Variants in ANKFN1 observed in about 807,000 individuals in gnomAD.
The protein encoded by ANKFN1 is ankyrin repeat and fibronectin type-III domain-containing protein 1.
ANKFN1 carries 74 observed loss-of-function variants against 108.7 expected under a neutral mutation model. The observed-to-expected ratio is 0.68, with a 90% CI of 0.56 to 0.83. ANKFN1 has a LOEUF of 0.83. ANKFN1 is among the 40% of genes least tolerant of loss of function. The pLI is 0.00. For synonymous variants in ANKFN1, 547 were observed against 516.2 expected (o/e 1.06, Z -0.81); for missense variants, 1,505 against 1,382.3 (o/e 1.09, Z -1.41).
intron 8 of ANKFN1, among the ~76,000 whole-genome samples, chr17:56,436,721 T>G (rs971375195): frequency 6.6e-6 from 1 of 151,724 alleles, no homozygotes; most frequent in Non-Finnish European, 1.5e-5. Context: ...TCCGAGCTAC[T>G]TGGGAGGCTG....
intron 4 of ANKFN1, among the ~76,000 whole-genome samples, chr17:56,080,647 C>T (rs893806153): frequency 3.9e-5 from 6 of 152,164 alleles, no homozygotes; most frequent in East Asian, 3.9e-4. Flanking sequence ...CCCCACCCAC[C>T]GCCATGTTAA....
intron 4 of ANKFN1, among the ~76,000 whole-genome samples, chr17:56,053,370 T>G (rs1459712532): frequency 6.6e-6 from 1 of 152,196 alleles, no homozygotes; most frequent in Non-Finnish European, 1.5e-5. Context: ...TTTTAATTTT[T>G]AGCACCCACA....
intron 1 of ANKFN1, among the ~76,000 whole-genome samples, chr17:56,170,803 T>TACACACACACAC (rs1160259097): frequency 2.5e-4 from 17 of 68,078 alleles, no homozygotes; most frequent in South Asian, 1.5e-3. Context: ...TATATATATA[T>TACACACACACAC]ATATACACAC....
At chr17:56,503,400 T>C (rs555615767) in intron 20 of ANKFN1, among the ~76,000 whole-genome samples, 3 of 149,518 alleles carry the variant, frequency 2.0e-5, no homozygotes, top group Non-Finnish European at 4.4e-5. Context: ...GAAGGCCTGA[T>C]GAAAGATTCA....
At chr17:56,277,001 G>A (rs78922845) in intron 3 of ANKFN1, among the ~76,000 whole-genome samples, 1,780 of 152,254 alleles carry the variant, frequency 0.012, 35 homozygotes, top group African/African-American at 0.04. Flanking sequence ...TTAAACAAAA[G>A]TGTACTCTAT....
At chr17:56,098,895 A>G (rs1030984231) in intron 4 of ANKFN1, among the ~76,000 whole-genome samples, 8 of 150,024 alleles carry the variant, frequency 5.3e-5, no homozygotes, top group African/African-American at 2.0e-4. Context: ...TGGGTGCTAG[A>G]TAAAAGGAAG....
chr17:56,399,843 TTATATATA>T (rs71139904), intron 8 of ANKFN1, among the ~76,000 whole-genome samples: 18,106 of 64,724 alleles, frequency 0.28, 3,019 homozygotes, highest in East Asian at 0.49. Flanking sequence ...ATTCCATTTT[TTATATATA>T]TATATATATA....
intron 4 of ANKFN1, among the ~76,000 whole-genome samples, chr17:56,083,200 G>C (rs1905268706): frequency 6.8e-6 from 1 of 147,722 alleles, no homozygotes; most frequent in African/African-American, 2.6e-5. Context: ...AAACTCAACT[G>C]TGCCGAGAAG....
At chr17:56,252,965 G>A (rs969448281) in intron 3 of ANKFN1, among the ~76,000 whole-genome samples, 11 of 152,186 alleles carry the variant, frequency 7.2e-5, no homozygotes, top group African/African-American at 2.7e-4. Flanking sequence ...ACGAGGGTGA[G>A]GTGGGGGGAT....
intron 4 of ANKFN1, among the ~76,000 whole-genome samples, chr17:56,134,582 T>C (rs1907483952): frequency 6.6e-6 from 1 of 152,122 alleles, no homozygotes; most frequent in African/African-American, 2.4e-5. Context: ...ATATTAGAAC[T>C]AAAGATTCTC....
intron 4 of ANKFN1, among the ~76,000 whole-genome samples, chr17:56,109,015 A>G (rs1384669914): frequency 6.6e-6 from 1 of 152,226 alleles, no homozygotes; most frequent in African/African-American, 2.4e-5. Context: ...TGGTTAACAC[A>G]TAGGCTTTAA....
At chr17:56,064,028 G>T (rs575149337) in intron 4 of ANKFN1, among the ~76,000 whole-genome samples, 132 of 152,234 alleles carry the variant, frequency 8.7e-4, no homozygotes, top group African/African-American at 3.2e-3. Flanking sequence ...TTTGTTGGGG[G>T]TTCACTTCAG....
chr17:56,059,465 G>T (rs2877725), intron 4 of ANKFN1, among the ~76,000 whole-genome samples: 118,182 of 152,112 alleles, frequency 0.78, 46,098 homozygotes, highest in Non-Finnish European at 0.81. Flanking sequence ...TTTGGCTTTT[G>T]TTGCAATTGC....
intron 3 of ANKFN1, among the ~76,000 whole-genome samples, chr17:56,321,359 G>A (rs570024204): frequency 6.6e-6 from 1 of 151,964 alleles, no homozygotes; most frequent in South Asian, 2.1e-4. Context: ...CAAGAGATTA[G>A]GGAACGGAAG....
chr17:56,135,833 A>G (rs1184576583), intron 4 of ANKFN1, among the ~76,000 whole-genome samples: 1 of 152,218 alleles, frequency 6.6e-6, no homozygotes, highest in Non-Finnish European at 1.5e-5. Context: ...TTATTCAAGA[A>G]TGAACATAAT....
At chr17:56,258,804 G>A (rs373775054) in intron 3 of ANKFN1, among the ~76,000 whole-genome samples, 3 of 152,056 alleles carry the variant, frequency 2.0e-5, no homozygotes, top group South Asian at 2.1e-4. Context: ...CCAGCTACTC[G>A]GGAGGCTGAG....
rs1322995390 is a variant in ANKFN1, at chr17:56,512,287, C to T, written c.*1018C>T. ...TCAGTCAGCAATGGGCTCCTCACAA[C>T]CCCACAGGCTTATCCACTCACCCTA... On this transcript the variant is annotated 3_prime_UTR_variant, in exon 21 of 21. Transcript: ENST00000682825. Among the ~76,000 whole-genome samples the T allele has an allele frequency of 6.6e-6, 1 of 152,148 alleles. No individual in the cohort carries two copies. Among genetic ancestry groups the T allele is most frequent in the Non-Finnish European group, 1.5e-5 (1 of 68,028 alleles).
chr17:56,139,460 G>C (rs1286612385), intron 4 of ANKFN1, among the ~76,000 whole-genome samples: 1 of 152,132 alleles, frequency 6.6e-6, no homozygotes, highest in Admixed American at 6.6e-5. Context: ...CAGGGGTTCT[G>C]CCCTCAGCTT....
intron 3 of ANKFN1, chr17:56,228,575 T>A (rs949262970): frequency 6.7e-6 from 1 of 149,780 alleles, no homozygotes; most frequent in African/African-American, 2.5e-5. Flanking sequence ...ATTAGGGTGA[T>A]TTTTTTTTTC....
Sources: allele counts gnomAD v4.1 joint callset (sites outside exome capture counted in the v4.1 genomes callset), GRCh38; gene constraint gnomAD v4.1.1; transcripts MANE v1.5; gene names NCBI Gene and HGNC (gene_info 2026-07-23, HGNC 2026-07-21).